Variants in FIGNL2 observed in about 807,000 individuals in gnomAD.
FIGNL2 encodes fidgetin-like protein 2.
For missense variants in FIGNL2, 1,060 were observed against 950.2 expected, an observed-to-expected ratio of 1.12 and a Z score of -1.52; for synonymous variants, 565 against 484.0, an observed-to-expected ratio of 1.17 and a Z score of -2.20.
Position 51,831,576 on chromosome 12 carries a change from T to G in FIGNL2, c.-11-9152A>C, listed in dbSNP as rs540318519. Among the ~76,000 whole-genome samples, 3 of 152,318 alleles carry G rather than the reference T, an allele frequency of 2.0e-5. No homozygotes were observed. The South Asian group carries it at 6.2e-4, about 32-fold the overall frequency. On this transcript the variant is annotated intron_variant, in intron 1 of 1. Coordinates refer to ENST00000618634, the MANE Select transcript of FIGNL2 (RefSeq NM_001384995.1). ...GGATACAAGGCAGGGAGCACACCCC[T>G]GAGCGGGGCATGAGAGCCAAATGCT...
chr12:51,844,973 T>G, intron 1 of FIGNL2: 1 of 670,348 alleles, frequency 1.5e-6, no homozygotes, highest in Non-Finnish European at 1.8e-6. Context: ...CCTCAGCACA[T>G]CAGAGAGGGA....
chr12:51,845,546 T>C, intron 1 of FIGNL2: 1 of 985,394 alleles, frequency 1.0e-6, no homozygotes, highest in South Asian at 4.7e-5. Context: ...CACATCTCCC[T>C]GCTGCAGCCC....
chr12:51,845,661 G>A (rs1443135976), intron 1 of FIGNL2: 1 of 985,300 alleles, frequency 1.0e-6, no homozygotes, highest in African/African-American at 1.7e-5. Context: ...TCTGCTAGAA[G>A]GCACAGGGAA....
intron 1 of FIGNL2, chr12:51,844,540 G>A (rs1939711883): frequency 3.4e-6 from 1 of 294,656 alleles, no homozygotes; most frequent in South Asian, 1.3e-4. Context: ...AGGTCTCCCA[G>A]CTCTGACTCC....
chr12:51,837,813 T>C (rs1196259779), intron 1 of FIGNL2: 1 of 152,262 alleles, frequency 6.6e-6, no homozygotes, highest in Non-Finnish European at 1.5e-5. Context: ...AGCCTTGTTA[T>C]TACCCTAGTC....
In FIGNL2 at chr12:51,821,034, G is replaced by A; in HGVS notation, c.1380C>T (p.Thr460=). The change falls in exon 2 of 2, where the codon ACC becomes ACT. Residue 460 remains threonine, a synonymous_variant. Coordinates refer to ENST00000618634, the MANE Select transcript of FIGNL2 (RefSeq NM_001384995.1). ...GATLLRLRGA[T]LAAPGAAEGA... is the part of the protein sequence containing the mutation. ...CCTCGGCGGCGCCGGGCGCAGCCAGGGTCGCGCCGCGCAGGCGCAACAGCG... is the reference window on the plus strand; with the variant it reads ...CCTCGGCGGCGCCGGGCGCAGCCAGAGTCGCGCCGCGCAGGCGCAACAGCG... 1 of 1,185,324 alleles carries A rather than the reference G, an allele frequency of 8.4e-7. No homozygotes were observed. The highest frequency in any genetic ancestry group is 1.6e-5 in the African/African-American group (1 of 62,296). 73.4% of individuals were successfully genotyped at this position (1,185,324 alleles called of 1,614,324 possible).
At chr12:51,844,385 C>T (rs547133866) in intron 1 of FIGNL2, among the ~76,000 whole-genome samples, 2 of 152,290 alleles carry the variant, frequency 1.3e-5, no homozygotes, top group African/African-American at 2.4e-5. Flanking sequence ...GTCCATACCT[C>T]GGTACTAAAG....
intron 1 of FIGNL2, chr12:51,847,308 C>T (rs1423639457): frequency 1.0e-6 from 1 of 985,328 alleles, no homozygotes; most frequent in African/African-American, 1.7e-5. Context: ...GGCGGCTCCA[C>T]AGGGGAGGCC....
At chr12:51,826,296 A>G (rs911918140) in intron 1 of FIGNL2, among the ~76,000 whole-genome samples, 2 of 151,958 alleles carry the variant, frequency 1.3e-5, no homozygotes, top group African/African-American at 4.8e-5. Context: ...ATCATTGTCT[A>G]CATGCAGTGA....
At chr12:51,847,446 CACAA>C (rs897602492) in intron 1 of FIGNL2, 9 of 985,382 alleles carry the variant, frequency 9.1e-6, no homozygotes, top group Admixed American at 6.1e-5. Flanking sequence ...GTGCGGACAA[CACAA>C]ACATTCTTCA....
In FIGNL2 at chr12:51,832,666, A is replaced by G. The variant is rs914269175; in HGVS notation, c.-11-10242T>C. Among the ~76,000 whole-genome samples the G allele has an allele frequency of 2.0e-5, 3 of 152,238 alleles. No homozygotes were observed. In the South Asian group the frequency reaches 6.2e-4, roughly 32 times the overall value. On this transcript the variant is annotated intron_variant, in intron 1 of 1. Transcript: ENST00000618634. ...TTCCCTCTCCATGGTAATTCCGTGC[A>G]TGATCCCATCCCATCTCCTAGCTTT...
chr12:51,846,303 C>T (rs1939748304), intron 1 of FIGNL2, among the ~76,000 whole-genome samples: 1 of 152,040 alleles, frequency 6.6e-6, no homozygotes. Flanking sequence ...GGAGGTGATG[C>T]GGAGGAGGTG....
At chr12:51,841,474 C>T (rs960396805) in intron 1 of FIGNL2, 1 of 152,242 alleles carries the variant, frequency 6.6e-6, no homozygotes, top group African/African-American at 2.4e-5. Context: ...GCTCCAGATA[C>T]TTCTCTGCCT....
rs768224939 is a variant in FIGNL2 at position 51,820,402 on chromosome 12, G to A, written c.*50C>T. On this transcript the variant is annotated 3_prime_UTR_variant, in exon 2 of 2. Coordinates refer to ENST00000618634, the MANE Select transcript of FIGNL2 (RefSeq NM_001384995.1). ...GTCAGTGACATCCCTCCCACGCGGA[G>A]GCGGCGGGGACGGAGGGACTGCGGC... 869 of 1,545,924 alleles carry A rather than the reference G, an allele frequency of 5.6e-4. No homozygotes were observed. The highest frequency in any genetic ancestry group is 9.0e-4 in the Admixed American group (47 of 52,184).
intron 1 of FIGNL2, chr12:51,848,283 G>T (rs111773431): frequency 0.032 from 31,490 of 984,762 alleles, 522 homozygotes; most frequent in Non-Finnish European, 0.035. Flanking sequence ...GCTGCGAGAC[G>T]GGTGCCCGTC....
chr12:51,848,543 G>A lies in FIGNL2; in HGVS notation c.-15C>T, dbSNP rs1209140928. 1.2e-5 allele frequency: 12 copies of A among 982,652 alleles called. No homozygotes were observed. Among genetic ancestry groups the A allele is most frequent in the Non-Finnish European group, 1.4e-5 (12 of 828,964 alleles). 60.9% of individuals were successfully genotyped at this position (982,652 alleles called of 1,614,324 possible). A position where few individuals can be genotyped will look rare whatever the true frequency, so the allele number is the denominator to read the frequency against. Reference sequence around the variant, plus strand: ...CGGCCCGCCCGCGGCCCCGTACCTCGGCATCACGGCCGGGTCCTAGGTGAG... The same window carrying A: ...CGGCCCGCCCGCGGCCCCGTACCTCAGCATCACGGCCGGGTCCTAGGTGAG... On this transcript the variant is annotated 5_prime_UTR_variant, in exon 1 of 2. Coordinates refer to ENST00000618634, the MANE Select transcript of FIGNL2 (RefSeq NM_001384995.1).
chr12:51,848,450 C>A, intron 1 of FIGNL2, 90 bp downstream of exon 1: 2 of 982,180 alleles, frequency 2.0e-6, no homozygotes, highest in Non-Finnish European at 2.4e-6. Flanking sequence ...TCGGCCCTCT[C>A]CGGCCCCGGG....
intron 1 of FIGNL2, chr12:51,847,232 C>T (rs1000475273): frequency 1.0e-6 from 1 of 985,418 alleles, no homozygotes; most frequent in Non-Finnish European, 1.2e-6. Flanking sequence ...GGGTCTGGGA[C>T]TCCCTCTGCA....
intron 1 of FIGNL2, among the ~76,000 whole-genome samples, chr12:51,843,502 C>G (rs1327900038): frequency 1.3e-5 from 2 of 150,060 alleles, no homozygotes; most frequent in Non-Finnish European, 2.9e-5. Flanking sequence ...GAGCAAAGAT[C>G]ATGCCACTGC....
Sources: allele counts gnomAD v4.1 joint callset (sites outside exome capture counted in the v4.1 genomes callset), GRCh38; gene constraint gnomAD v4.1.1; transcripts MANE v1.5; gene names NCBI Gene and HGNC (gene_info 2026-07-23, HGNC 2026-07-21).